Variants in CDYL observed in about 807,000 individuals in gnomAD.
CDYL encodes the protein chromodomain Y like, also known as chromodomain Y-like protein.
A neutral mutation model predicts 47.3 loss-of-function variants in CDYL; 8 were observed. That is an observed-to-expected ratio of 0.17 (90% confidence interval 0.10 to 0.31). The LOEUF is 0.31. Ranked by LOEUF, CDYL falls within the 10% of genes least tolerant of loss-of-function variation. The pLI is 1.00. For missense variants in CDYL, 471 were observed against 701.4 expected (o/e 0.67, Z 3.71); for synonymous variants, 266 against 265.0 (o/e 1.00, Z -0.04).
At chr6:4,785,312 A>G (rs1406187107) in intron 1 of CDYL, among the ~76,000 whole-genome samples, 2 of 152,228 alleles carry the variant, frequency 1.3e-5, no homozygotes, top group East Asian at 1.9e-4. Flanking sequence ...ACCGTATAGT[A>G]TACTTTCTTT....
Position 4,892,278 on chromosome 6 carries a change from G to A in CDYL, c.590G>A (p.Arg197Lys), listed in dbSNP as rs1483553358. The A allele has an allele frequency of 6.2e-7, 1 of 1,614,058 alleles. No homozygotes were observed. Among genetic ancestry groups the A allele is most frequent in the Non-Finnish European group, 8.5e-7 (1 of 1,180,054 alleles). ...GCTTTATTGGGCCCCGGTGCCGAGAGGGCCAGGATGGGGAGCAGGCCCAGG... is the reference window on the plus strand; with the variant it reads ...GCTTTATTGGGCCCCGGTGCCGAGAAGGCCAGGATGGGGAGCAGGCCCAGG... ...VGALLGPGAE[R>K]ARMGSRPRIH... Residue 197 changes from arginine (R) to lysine (K), a missense_variant, in exon 2 of 7, where the codon AGG becomes AAG. Around this residue, in one of 3 missense-constraint regions of CDYL, gnomAD observed 311 missense variants for 350.0 expected, o/e 0.89. Coordinates refer to ENST00000397588, the MANE Select transcript of CDYL (RefSeq NM_004824.4).
At chr6:4,746,091 C>T (rs1028708591) in intron 3 of CDYL, among the ~76,000 whole-genome samples, 5 of 151,936 alleles carry the variant, frequency 3.3e-5, no homozygotes, top group African/African-American at 7.2e-5. Flanking sequence ...GCTGGCTGGG[C>T]GCGGTGGCTC....
chr6:4,783,994 T>C (rs1225320621), intron 1 of CDYL, among the ~76,000 whole-genome samples: 1 of 152,194 alleles, frequency 6.6e-6, no homozygotes, highest in Non-Finnish European at 1.5e-5. Flanking sequence ...CATTTCATTC[T>C]CTCTTCTTTG....
chr6:4,884,414 T>G (rs1194172217), intron 1 of CDYL, among the ~76,000 whole-genome samples: 1 of 152,200 alleles, frequency 6.6e-6, no homozygotes, highest in Non-Finnish European at 1.5e-5. Context: ...TTGAGTGGAT[T>G]TGGTTCCAGC....
intron 1 of CDYL, among the ~76,000 whole-genome samples, chr6:4,870,423 T>G (rs1400680059): frequency 6.6e-6 from 1 of 152,214 alleles, no homozygotes; most frequent in Admixed American, 6.5e-5. Flanking sequence ...TTGTTTTCCT[T>G]GCTGGTTTTA....
At chr6:4,869,320 T>C (rs1761410155) in intron 1 of CDYL, among the ~76,000 whole-genome samples, 1 of 152,172 alleles carries the variant, frequency 6.6e-6, no homozygotes, top group African/African-American at 2.4e-5. Flanking sequence ...GGTCTCAAAC[T>C]CCTGACCTCA....
intron 2 of CDYL, among the ~76,000 whole-genome samples, chr6:4,730,107 T>C (rs1024526381): frequency 2.0e-5 from 3 of 152,234 alleles, no homozygotes; most frequent in African/African-American, 7.2e-5. Flanking sequence ...AGGTGGGTTC[T>C]GGGTGGCACA....
At chr6:4,937,516 T>C (rs1387726853) in intron 3 of CDYL, 49 bp from the exon 4 acceptor site, 2 of 1,176,702 alleles carry the variant, frequency 1.7e-6, no homozygotes, top group East Asian at 5.7e-5. Context: ...TGCTTTAAGA[T>C]TTTAAACCCA....
intron 1 of CDYL, among the ~76,000 whole-genome samples, chr6:4,784,746 T>C (rs894227573): frequency 2.6e-5 from 4 of 152,202 alleles, no homozygotes; most frequent in Non-Finnish European, 5.9e-5. Context: ...GGCTGTGTCC[T>C]CACCCAGATC....
intron 2 of CDYL, among the ~76,000 whole-genome samples, chr6:4,895,011 A>G (rs1027743312): frequency 4.0e-5 from 6 of 151,318 alleles, no homozygotes; most frequent in Non-Finnish European, 5.9e-5. Flanking sequence ...GTATGTTTAT[A>G]CATATATGTA....
rs1042118718 is a variant in CDYL, at chr6:4,954,899, G to T, written c.*843G>T. On this transcript the variant is annotated 3_prime_UTR_variant, in exon 7 of 7. Transcript: ENST00000397588. ...ATAAGTGCTTCTTGTTGCTGGGTGA[G>T]AAATACTACTTTATAGACAGTTTTG... 14 of 152,298 alleles carry T rather than the reference G, an allele frequency of 9.2e-5. No homozygotes were observed. Among genetic ancestry groups the T allele is most frequent in the Admixed American group, 7.2e-4 (11 of 15,302 alleles). The allele number at this position is 152,298 out of a possible 1,614,324, so 9.4% of individuals were successfully genotyped here.
At chr6:4,900,224 G>A (rs912406077) in intron 2 of CDYL, among the ~76,000 whole-genome samples, 1 of 151,948 alleles carries the variant, frequency 6.6e-6, no homozygotes, top group Non-Finnish European at 1.5e-5. Context: ...CTTAGCATTT[G>A]CTCTTTTTAT....
chr6:4,721,586 T>C (rs1453245251), intron 2 of CDYL, among the ~76,000 whole-genome samples: 1 of 152,078 alleles, frequency 6.6e-6, no homozygotes, highest in African/African-American at 2.4e-5. Context: ...TTTGCCCTGT[T>C]GGCCAGGCTG....
At chr6:4,866,914 A>G (rs1244648139) in intron 1 of CDYL, among the ~76,000 whole-genome samples, 1 of 152,120 alleles carries the variant, frequency 6.6e-6, no homozygotes, top group African/African-American at 2.4e-5. Context: ...CATTATTTCC[A>G]GAGAGAAGAA....
At chr6:4,820,042 C>T (rs768216841) in intron 1 of CDYL, among the ~76,000 whole-genome samples, 6 of 151,872 alleles carry the variant, frequency 4.0e-5, no homozygotes, top group East Asian at 1.9e-4. Context: ...CATCCTAGGC[C>T]GTGGTGGGGA....
At chr6:4,844,084 G>T (rs1313614440) in intron 1 of CDYL, among the ~76,000 whole-genome samples, 1 of 152,152 alleles carries the variant, frequency 6.6e-6, no homozygotes, top group African/African-American at 2.4e-5. Flanking sequence ...AAACCGTGGT[G>T]ATTGTTTTTT....
intron 2 of CDYL, among the ~76,000 whole-genome samples, chr6:4,923,469 G>A (rs1757775055): frequency 6.6e-6 from 1 of 152,060 alleles, no homozygotes; most frequent in South Asian, 2.1e-4. Flanking sequence ...CCATTCATTT[G>A]TTGATGGGCA....
chr6:4,821,417 C>T (rs1362957927), intron 1 of CDYL, among the ~76,000 whole-genome samples: 1 of 151,656 alleles, frequency 6.6e-6, no homozygotes, highest in Non-Finnish European at 1.5e-5. Context: ...CCCAGTCGGT[C>T]ATATGGGAAT....
intron 2 of CDYL, among the ~76,000 whole-genome samples, chr6:4,925,796 G>A (rs1757856415): frequency 6.6e-6 from 1 of 152,090 alleles, no homozygotes; most frequent in South Asian, 2.1e-4. Flanking sequence ...GAGGTCGGGC[G>A]CATATCCTTG....
Sources: allele counts gnomAD v4.1 joint callset (sites outside exome capture counted in the v4.1 genomes callset), GRCh38; gene constraint gnomAD v4.1.1; regional missense constraint gnomAD v4.1.1; transcripts MANE v1.5; gene names NCBI Gene and HGNC (gene_info 2026-07-23, HGNC 2026-07-21).